Variants in GALNT13 observed in about 807,000 individuals in gnomAD.
GALNT13 encodes the protein UDP-GalNAc:polypeptide N-acetylgalactosaminyltransferase 13.
Under a neutral mutation model 64.2 loss-of-function variants are expected in GALNT13, and 28 were observed. The ratio of observed to expected loss-of-function variants is 0.44; its 90% CI spans 0.32 to 0.60. GALNT13 has a LOEUF of 0.60. Ranked by LOEUF, GALNT13 falls within the 20% of genes least tolerant of loss-of-function variation. The pLI is 0.05. For missense variants in GALNT13, 577 were observed against 669.8 expected (o/e 0.86, Z 1.53); for synonymous variants, 214 against 224.6 (o/e 0.95, Z 0.42).
At chr2:153,426,339 C>T in the GALNT13 span, among the ~76,000 whole-genome samples, 1 of 151,688 alleles carries the variant, frequency 6.6e-6, no homozygotes, top group African/African-American at 2.4e-5. Flanking sequence ...AAGCAGAGGG[C>T]ACTAATTTGC....
chr2:153,202,688 T>C, the GALNT13 span, among the ~76,000 whole-genome samples: 1 of 152,112 alleles, frequency 6.6e-6, no homozygotes, highest in Admixed American at 6.5e-5. Context: ...AAGGAAAAAA[T>C]TGTTTTACCC....
chr2:153,094,359 T>G, the GALNT13 span, among the ~76,000 whole-genome samples: 1 of 152,166 alleles, frequency 6.6e-6, no homozygotes, highest in East Asian at 1.9e-4. Context: ...CAAGGAGAAC[T>G]ACAAACCACT....
chr2:153,117,042 A>G, the GALNT13 span, among the ~76,000 whole-genome samples: 1,851 of 151,378 alleles, frequency 0.012, 41 homozygotes, highest in African/African-American at 0.043. Context: ...CTCGTGATCC[A>G]CCCGCCTAGG....
chr2:154,428,241 G>A (rs1341301189), intron 11 of GALNT13, among the ~76,000 whole-genome samples: 2 of 152,166 alleles, frequency 1.3e-5, no homozygotes, highest in Non-Finnish European at 2.9e-5. Context: ...AGAGCTTCAG[G>A]TTCAGAGAGA....
At chr2:153,406,220 C>G in the GALNT13 span, among the ~76,000 whole-genome samples, 3 of 152,070 alleles carry the variant, frequency 2.0e-5, no homozygotes, top group African/African-American at 7.2e-5. Flanking sequence ...GAAAATATAA[C>G]TTGGAGGCTT....
At chr2:153,478,406 T>G in the GALNT13 span, 2 of 1,614,032 alleles carry the variant, frequency 1.2e-6, no homozygotes, top group Non-Finnish European at 1.7e-6. Flanking sequence ...ACCACGCGCA[T>G]TATGTACAGG....
chr2:154,234,347 TCTC>T (rs998969030), intron 4 of GALNT13, among the ~76,000 whole-genome samples: 81 of 152,282 alleles, frequency 5.3e-4, no homozygotes, highest in African/African-American at 1.9e-3. Flanking sequence ...TTTCATATGT[TCTC>T]CTCCAAACTT....
the GALNT13 span, among the ~76,000 whole-genome samples, chr2:153,445,008 A>G: frequency 6.6e-6 from 1 of 152,180 alleles, no homozygotes; most frequent in Non-Finnish European, 1.5e-5. Flanking sequence ...GCATTTTTAC[A>G]TTTCCACCAG....
At chr2:154,022,172 A>AT (rs1697558540) in intron 3 of GALNT13, among the ~76,000 whole-genome samples, 1 of 151,996 alleles carries the variant, frequency 6.6e-6, no homozygotes, top group South Asian at 2.1e-4. Flanking sequence ...CTCTTTATTG[A>AT]TTGTGTCTCT....
the GALNT13 span, among the ~76,000 whole-genome samples, chr2:153,803,578 G>A: frequency 1.3e-5 from 2 of 151,558 alleles, no homozygotes; most frequent in Non-Finnish European, 2.9e-5. Context: ...TGTAGTCCCA[G>A]CTACTCGGGA....
intron 3 of GALNT13, among the ~76,000 whole-genome samples, chr2:154,090,712 A>G (rs1470906992): frequency 6.6e-6 from 1 of 152,018 alleles, no homozygotes; most frequent in East Asian, 1.9e-4. Flanking sequence ...ACTTTCCTCT[A>G]TTAGGATATT....
intron 3 of GALNT13, among the ~76,000 whole-genome samples, chr2:154,050,204 A>C (rs1699511799): frequency 6.6e-6 from 1 of 152,208 alleles, no homozygotes; most frequent in Non-Finnish European, 1.5e-5. Flanking sequence ...TTTTTCATAC[A>C]TGACTTTTTA....
intron 8 of GALNT13, among the ~76,000 whole-genome samples, chr2:154,293,628 T>G (rs983804975): frequency 1.4e-4 from 22 of 152,298 alleles, no homozygotes; most frequent in African/African-American, 5.3e-4. Flanking sequence ...CCTTGAAGAC[T>G]TAAATAATAA....
intron 3 of GALNT13, among the ~76,000 whole-genome samples, chr2:154,044,267 A>C (rs1384118324): frequency 6.6e-6 from 1 of 152,142 alleles, no homozygotes; most frequent in Non-Finnish European, 1.5e-5. Flanking sequence ...AACTAATGAA[A>C]TGTGTGAAAT....
At chr2:153,996,350 T>C (rs1695522346) in intron 3 of GALNT13, among the ~76,000 whole-genome samples, 1 of 152,166 alleles carries the variant, frequency 6.6e-6, no homozygotes, top group South Asian at 2.1e-4. Context: ...TTATCTTTTG[T>C]ATTTTTGATA....
At chr2:153,105,503 G>A in the GALNT13 span, among the ~76,000 whole-genome samples, 729 of 152,196 alleles carry the variant, frequency 4.8e-3, 9 homozygotes, top group South Asian at 0.015. Flanking sequence ...ATTCAACATA[G>A]TGTTGGAAGT....
At chr2:153,783,658 C>T in the GALNT13 span, among the ~76,000 whole-genome samples, 6 of 152,034 alleles carry the variant, frequency 3.9e-5, no homozygotes, top group African/African-American at 1.4e-4. Flanking sequence ...GTGTCAAGGG[C>T]GGGACCAGGT....
chr2:154,446,413 T>TA (rs1029060344), intron 12 of GALNT13: 64 of 644,668 alleles, frequency 9.9e-5, no homozygotes, highest in Admixed American at 4.6e-4. Flanking sequence ...TAAAGCCATC[T>TA]AAAAAAATGT....
At chr2:154,298,137 A>G (rs1443260935) in intron 8 of GALNT13, among the ~76,000 whole-genome samples, 1 of 151,934 alleles carries the variant, frequency 6.6e-6, no homozygotes, top group Non-Finnish European at 1.5e-5. Context: ...ATGAAGGCCA[A>G]CATTTAAATA....
Sources: gnomAD v4.1 joint callset for allele counts (sites outside exome capture counted in the v4.1 genomes callset) on GRCh38, gnomAD v4.1.1 for gene constraint, MANE v1.5 for transcripts, NCBI Gene and HGNC (gene_info 2026-07-23, HGNC 2026-07-21) for gene names.